The following CEP55 variants were observed in gnomAD, a reference collection of about 807,000 sequenced individuals.
CEP55 encodes centrosomal protein 55.
In CEP55, 57 loss-of-function variants were observed where a neutral mutation model predicts 63.2. The observed-to-expected ratio is 0.90, with a 90% CI of 0.73 to 1.13. The LOEUF is 1.13. Ranked by LOEUF, CEP55 falls within the 50% of genes most tolerant of loss-of-function variation. CEP55 has a pLI of 0.00. For missense variants in CEP55, 456 were observed against 518.9 expected, an observed-to-expected ratio of 0.88 and a Z score of 1.18; for synonymous variants, 178 against 191.6, an observed-to-expected ratio of 0.93 and a Z score of 0.59.
intron 4 of CEP55, chr10:93,510,402 A>G (rs1351199899): frequency 6.6e-6 from 1 of 152,246 alleles, no homozygotes; most frequent in Non-Finnish European, 1.5e-5. Flanking sequence ...ATATAATAAC[A>G]TATAACGCCC....
At chr10:93,520,032 G>A in intron 8 of CEP55, 2 of 550,380 alleles carry the variant, frequency 3.6e-6, no homozygotes, top group South Asian at 2.0e-5. Flanking sequence ...TACCCCAGCT[G>A]CTGTGATGCT....
At chr10:93,503,893 ACT>A (rs1290002070) in intron 3 of CEP55, among the ~76,000 whole-genome samples, 1 of 151,808 alleles carries the variant, frequency 6.6e-6, no homozygotes, top group Non-Finnish European at 1.5e-5. Flanking sequence ...CAGCTCTGTG[ACT>A]CTGAACAAAT....
At chr10:93,509,604 G>A (rs535010642) in intron 4 of CEP55, among the ~76,000 whole-genome samples, 27 of 152,170 alleles carry the variant, frequency 1.8e-4, no homozygotes, top group Non-Finnish European at 3.7e-4. Context: ...TCATGCCTCA[G>A]CCTCCTGAGT....
intron 8 of CEP55, among the ~76,000 whole-genome samples, chr10:93,524,408 A>G (rs1227063579): frequency 1.3e-5 from 2 of 152,146 alleles, no homozygotes; most frequent in African/African-American, 4.8e-5. Context: ...GAATCTCTGA[A>G]TAGATCAATA....
Position 93,503,097 on chromosome 10 carries a change from C to G in CEP55, c.184-16C>G. 6.2e-7 allele frequency: 1 copy of G among 1,603,160 alleles called. No homozygotes were observed. Among genetic ancestry groups the G allele is most frequent in the Non-Finnish European group, 8.5e-7 (1 of 1,175,418 alleles). On this transcript the variant is annotated splice_polypyrimidine_tract_variant and intron_variant, in intron 2 of 8. Transcript: ENST00000371485. The stretch of plus-strand genomic sequence containing the variant: ...GACCTGGCTTTGTTCTAAGATTCTT[C>G]TTAGTTTATGTCTAGAAAATTCGAG...
rs945922298 is a variant in CEP55, at chr10:93,509,467, A to C, written c.528+2411A>C. On this transcript the variant is annotated intron_variant, in intron 4 of 8. Coordinates refer to ENST00000371485, the MANE Select transcript of CEP55 (RefSeq NM_018131.5). Reference sequence around the variant, plus strand: ...TTGGACCACGCTTTGAGAACCATTAACATTATTATTATTATTATTATTATT... The same window carrying C: ...TTGGACCACGCTTTGAGAACCATTACCATTATTATTATTATTATTATTATT... Among the ~76,000 whole-genome samples the C allele has an allele frequency of 1.6e-4, 8 of 50,940 alleles. No homozygotes were observed. The East Asian group carries it at 4.6e-3, about 29-fold the overall frequency. 33.4% of individuals were successfully genotyped at this position (50,940 alleles called of 152,430 possible).
At chr10:93,523,561 A>G (rs1485417447) in intron 8 of CEP55, among the ~76,000 whole-genome samples, 1 of 152,174 alleles carries the variant, frequency 6.6e-6, no homozygotes, top group African/African-American at 2.4e-5. Context: ...ATATCCAGGA[A>G]TTGAACTCAG....
At chr10:93,524,459 C>A (rs1472469552) in intron 8 of CEP55, among the ~76,000 whole-genome samples, 1 of 152,144 alleles carries the variant, frequency 6.6e-6, no homozygotes, top group Admixed American at 6.5e-5. Context: ...AGCTTACCAA[C>A]CAAAAAGAGT....
At chr10:93,522,880 G>A (rs1294969322) in intron 8 of CEP55, among the ~76,000 whole-genome samples, 2 of 152,142 alleles carry the variant, frequency 1.3e-5, no homozygotes, top group Non-Finnish European at 2.9e-5. Context: ...TTACAGACAA[G>A]CAAATGCTGA....
intron 8 of CEP55, among the ~76,000 whole-genome samples, chr10:93,526,388 C>G (rs556070736): frequency 4.9e-4 from 75 of 152,082 alleles, no homozygotes; most frequent in African/African-American, 1.6e-3. Flanking sequence ...CAATGAGATA[C>G]CATCTCACAC....
At chr10:93,505,039 T>G (rs1360548856) in intron 3 of CEP55, among the ~76,000 whole-genome samples, 2 of 152,142 alleles carry the variant, frequency 1.3e-5, no homozygotes, top group African/African-American at 4.8e-5. Flanking sequence ...CTTGAACTCC[T>G]TACCTCAGGT....
At chr10:93,497,859 C>T (rs1175342384) in intron 1 of CEP55, among the ~76,000 whole-genome samples, 1 of 151,818 alleles carries the variant, frequency 6.6e-6, no homozygotes, top group Non-Finnish European at 1.5e-5. Context: ...TGGTTCACGC[C>T]TGTAATCCCA....
In CEP55 at chr10:93,503,156, A is replaced by C. The variant is rs537550172; in HGVS notation, c.227A>C (p.Gln76Pro). The change falls in exon 3 of 9, where the codon CAA (glutamine) becomes CCA (proline). Residue 76 changes from glutamine (Q) to proline (P), a missense_variant. Transcript: ENST00000371485. The stretch of plus-strand genomic sequence containing the variant: ...GCTGAGAAGGAGAAGAATGCTTATC[A>C]ACTCACAGAGAAGGACAAAGAAATA... ...LEAEKEKNAYQLTEKDKEIQR... is the reference protein window; with the variant it reads ...LEAEKEKNAYPLTEKDKEIQR... 10 of 1,614,160 alleles carry C rather than the reference A, an allele frequency of 6.2e-6. No individual in the cohort carries two copies. The African/African-American group carries it at 1.2e-4, about 19-fold the overall frequency.
chr10:93,523,377 A>C (rs2057884288), intron 8 of CEP55, among the ~76,000 whole-genome samples: 1 of 152,246 alleles, frequency 6.6e-6, no homozygotes, highest in African/African-American at 2.4e-5. Context: ...TCAATTCAAC[A>C]ACAAGAGCTA....
At chr10:93,509,981 C>T (rs61865307) in intron 4 of CEP55, among the ~76,000 whole-genome samples, 9,876 of 152,214 alleles carry the variant, frequency 0.065, 355 homozygotes, top group Non-Finnish European at 0.076. Flanking sequence ...TTCCATCACC[C>T]TCTCAAAGTT....
rs1201696457 is a variant in CEP55, at chr10:93,526,253, C to T, written c.1192-1697C>T. Among the ~76,000 whole-genome samples the T allele has an allele frequency of 3.9e-5, 6 of 152,008 alleles. No individual in the cohort carries two copies. The East Asian group carries it at 9.6e-4, about 24-fold the overall frequency. On this transcript the variant is annotated intron_variant, in intron 8 of 8. Coordinates refer to ENST00000371485, the MANE Select transcript of CEP55 (RefSeq NM_018131.5). ...AACAAATTTAAAAGAAAAAAACAAC[C>T]CCATCAAAAAGTGGGTGAAGGATAT...
Position 93,528,688 on chromosome 10 carries a change from T to C in CEP55, c.*535T>C, listed in dbSNP as rs183868661. ...TGGGGATTTTCTTGATCTTTATTGCTGCTTACCATTGAAACTTAACCCAGC... is the reference window on the plus strand; with the variant it reads ...TGGGGATTTTCTTGATCTTTATTGCCGCTTACCATTGAAACTTAACCCAGC... On this transcript the variant is annotated 3_prime_UTR_variant, in exon 9 of 9. Transcript: ENST00000371485. 4 of 154,020 alleles carry C rather than the reference T, an allele frequency of 2.6e-5. No individual in the cohort carries two copies. The highest frequency in any genetic ancestry group is 2.0e-4 in the South Asian group (1 of 4,932). 9.5% of individuals were successfully genotyped at this position (154,020 alleles called of 1,614,324 possible). A position where few individuals can be genotyped will look rare whatever the true frequency, so the allele number is the denominator to read the frequency against.
At chr10:93,518,772 G>A in intron 6 of CEP55, 105 bp from the exon 7 acceptor site, 1 of 713,584 alleles carries the variant, frequency 1.4e-6, no homozygotes, top group Non-Finnish European at 2.4e-6. Flanking sequence ...AGCAGGTGTT[G>A]TCCTGGTTAG....
At chr10:93,523,713 A>G (rs1360651549) in intron 8 of CEP55, among the ~76,000 whole-genome samples, 1 of 152,204 alleles carries the variant, frequency 6.6e-6, no homozygotes, top group Non-Finnish European at 1.5e-5. Flanking sequence ...AGCAAATGTA[A>G]AAGAACAGAA....
Sources: allele counts gnomAD v4.1 joint callset (sites outside exome capture counted in the v4.1 genomes callset), GRCh38; gene constraint gnomAD v4.1.1; transcripts MANE v1.5; gene names NCBI Gene and HGNC (gene_info 2026-07-23, HGNC 2026-07-21).